SEC23B: variants seen among roughly 807,000 people sequenced by gnomAD.
SEC23B encodes the protein protein transport protein Sec23B.
A neutral mutation model predicts 104.3 loss-of-function variants in SEC23B; 77 were observed. The observed-to-expected ratio is 0.74, with a 90% CI of 0.61 to 0.89. The LOEUF is 0.89. Among genes scored for constraint, SEC23B ranks in the 40% least tolerant of loss-of-function variants. SEC23B has a pLI of 0.00. For synonymous variants in SEC23B, 338 were observed against 332.5 expected (o/e 1.02, Z -0.18); for missense variants, 885 against 949.4 (o/e 0.93, Z 0.89).
chr20:18,553,231 C>T (rs1483032172), intron 17 of SEC23B, among the ~76,000 whole-genome samples: 3 of 152,234 alleles, frequency 2.0e-5, no homozygotes, highest in African/African-American at 4.8e-5. Context: ...TTATGAACTT[C>T]TGGACCCTGG....
Position 18,548,606 on chromosome 20 carries a change from C to T in SEC23B, c.1744-3C>T. ...TTTCTCTTTCCGTTCTTTGTGAATG[C>T]AGTTTATGTTCCATCTGAGAAGATC... On this transcript the variant is annotated splice_region_variant and splice_polypyrimidine_tract_variant and intron_variant, in intron 15 of 19. Coordinates refer to ENST00000650089, the MANE Select transcript of SEC23B (RefSeq NM_006363.6). 2 of 1,613,474 alleles carry T rather than the reference C, an allele frequency of 1.2e-6. No individual in the cohort carries two copies. Among genetic ancestry groups the T allele is most frequent in the Admixed American group, 1.7e-5 (1 of 60,024 alleles).
Position 18,548,719 on chromosome 20 carries a change from C to T in SEC23B, c.1854C>T (p.Leu618=), listed in dbSNP as rs1240292261. ...CCCGGCAGGACCTGACCCAGTCCCT[C>T]ATCATGATCCAGCCCATTCTCTACT... ...HFARQDLTQS[L]IMIQPILYSY... Residue 618 remains leucine, a synonymous_variant, in exon 16 of 20, where the codon CTC becomes CTT. Coordinates refer to ENST00000650089, the MANE Select transcript of SEC23B (RefSeq NM_006363.6). The T allele has an allele frequency of 6.2e-7, 1 of 1,614,060 alleles. No individual in the cohort carries two copies. Among genetic ancestry groups the T allele is most frequent in the African/African-American group, 1.3e-5 (1 of 74,914 alleles).
At chr20:18,552,185 A>G (rs1223282137) in intron 17 of SEC23B, among the ~76,000 whole-genome samples, 3 of 148,962 alleles carry the variant, frequency 2.0e-5, no homozygotes, top group African/African-American at 7.4e-5. Context: ...GCCAACCATT[A>G]GAAATGATTT....
At chr20:18,545,861 G>C (rs559414460) in intron 14 of SEC23B, 95 bp from the exon 15 acceptor site, 1 of 797,902 alleles carries the variant, frequency 1.3e-6, no homozygotes, top group South Asian at 1.3e-5. Context: ...ACTGGATGTA[G>C]CTTAGTCCAG....
chr20:18,518,725 T>C lies in SEC23B; in HGVS notation c.366+2989T>C, dbSNP rs73601831. ...TGGCCATGAGGGACAGAAGTTGGAA[T>C]GCTAGCTGCTTCTTTAGCTACCTTA... On this transcript the variant is annotated intron_variant, in intron 4 of 19. Coordinates refer to ENST00000650089, the MANE Select transcript of SEC23B (RefSeq NM_006363.6). 2.0e-5 allele frequency among the ~76,000 whole-genome samples: 3 copies of C among 151,650 alleles called. No homozygotes were observed. The East Asian group carries it at 5.8e-4, about 29-fold the overall frequency.
chr20:18,530,255 A>AT (rs1261290944), intron 9 of SEC23B, among the ~76,000 whole-genome samples: 22 of 149,208 alleles, frequency 1.5e-4, no homozygotes, highest in South Asian at 2.1e-4. Flanking sequence ...TTATTTATTA[A>AT]TTTTTTTTTT....
chr20:18,525,304 G>A (rs1244294289), intron 6 of SEC23B, among the ~76,000 whole-genome samples: 1 of 152,162 alleles, frequency 6.6e-6, no homozygotes, highest in African/African-American at 2.4e-5. Context: ...ACTTATGACC[G>A]GGTATTCACT....
chr20:18,540,846 A>T (rs1249587967), intron 12 of SEC23B, among the ~76,000 whole-genome samples: 1 of 152,218 alleles, frequency 6.6e-6, no homozygotes, highest in East Asian at 1.9e-4. Flanking sequence ...ACAGAGCAAG[A>T]ACCTGTCTTA....
chr20:18,544,516 G>C (rs1012581874), intron 14 of SEC23B, among the ~76,000 whole-genome samples: 1 of 152,204 alleles, frequency 6.6e-6, no homozygotes, highest in Non-Finnish European at 1.5e-5. Flanking sequence ...AGCTAGCTGG[G>C]TCTTTTAGCT....
At chr20:18,519,358 T>C (rs573602176) in intron 4 of SEC23B, among the ~76,000 whole-genome samples, 47 of 152,172 alleles carry the variant, frequency 3.1e-4, no homozygotes, top group Non-Finnish European at 5.0e-4. Context: ...AGAAAGTATA[T>C]GTGTCAGGTG....
At position 18,524,954 on chromosome 20, in the gene SEC23B, A is replaced by C; in HGVS notation, c.623A>C (p.Lys208Thr). 2 of 1,614,054 alleles carry C rather than the reference A, an allele frequency of 1.2e-6. No individual in the cohort carries two copies. Among genetic ancestry groups the C allele is most frequent in the Non-Finnish European group, 1.7e-6 (2 of 1,179,994 alleles). Residue 208 changes from lysine (K) to threonine (T), a missense_variant, in exon 6 of 20, where the codon AAG becomes ACG. Transcript: ENST00000650089. ...TTTAAGGATATGTTGGGCCTGACCA[A>C]GCCAGCCATGCCCATGCAGCAAGCA... ...KQIQDMLGLT[K>T]PAMPMQQARP... is the part of the protein sequence containing the mutation.
intron 19 of SEC23B, among the ~76,000 whole-genome samples, chr20:18,558,976 G>A (rs545231782): frequency 7.3e-5 from 11 of 150,332 alleles, no homozygotes; most frequent in African/African-American, 2.7e-4. Flanking sequence ...TTTTTTTATT[G>A]AAACTTGGAC....
At chr20:18,555,982 G>A (rs537827142) in intron 19 of SEC23B, among the ~76,000 whole-genome samples, 16 of 151,226 alleles carry the variant, frequency 1.1e-4, no homozygotes, top group Non-Finnish European at 2.1e-4. Flanking sequence ...CCAGCTGGGG[G>A]TGACGGGAGA....
intron 4 of SEC23B, among the ~76,000 whole-genome samples, chr20:18,520,977 G>C (rs6075355): frequency 6.6e-6 from 1 of 151,840 alleles, no homozygotes; most frequent in South Asian, 2.1e-4. Context: ...GTGGGGTCCC[G>C]CACAGATGGG....
At chr20:18,559,085 G>A (rs937785770) in intron 19 of SEC23B, among the ~76,000 whole-genome samples, 1 of 151,168 alleles carries the variant, frequency 6.6e-6, no homozygotes, top group African/African-American at 2.4e-5. Context: ...GTTGGTGGGG[G>A]GGGTGTCGGG....
At chr20:18,538,272 C>T (rs1483398302) in intron 12 of SEC23B, among the ~76,000 whole-genome samples, 5 of 127,116 alleles carry the variant, frequency 3.9e-5, no homozygotes, top group Non-Finnish European at 8.1e-5. Flanking sequence ...TTTTTTGAGA[C>T]GGGGTCTCGC....
chr20:18,522,424 A>G (rs899824406), intron 4 of SEC23B, among the ~76,000 whole-genome samples: 3 of 152,234 alleles, frequency 2.0e-5, no homozygotes, highest in African/African-American at 7.2e-5. Context: ...TAGAGAGGAA[A>G]AAGAACTGGA....
chr20:18,553,885 T>C (rs1425183659), intron 17 of SEC23B, among the ~76,000 whole-genome samples: 3 of 151,978 alleles, frequency 2.0e-5, no homozygotes, highest in Admixed American at 6.6e-5. Flanking sequence ...CCTTACCAGA[T>C]GTGCGGAGAT....
At chr20:18,543,514 G>A (rs1480437335) in intron 14 of SEC23B, among the ~76,000 whole-genome samples, 1 of 152,184 alleles carries the variant, frequency 6.6e-6, no homozygotes, top group Non-Finnish European at 1.5e-5. Flanking sequence ...ATCCAGCCTG[G>A]TAAGTTTAGG....
Sources: gnomAD v4.1 joint callset for allele counts (sites outside exome capture counted in the v4.1 genomes callset) on GRCh38, gnomAD v4.1.1 for gene constraint, MANE v1.5 for transcripts, NCBI Gene and HGNC (gene_info 2026-07-23, HGNC 2026-07-21) for gene names.